SMAD9: variants seen among roughly 807,000 people sequenced by gnomAD.
SMAD9 encodes MAD homolog 9.
Under a neutral mutation model 46.1 loss-of-function variants are expected in SMAD9, and 36 were observed. The observed-to-expected ratio is 0.78, with a 90% CI of 0.60 to 1.03. The LOEUF is 1.03. SMAD9 is among the 50% of genes least tolerant of loss of function. SMAD9 has a pLI of 0.00. For missense variants in SMAD9, 572 were observed against 599.8 expected (o/e 0.95, Z 0.48); for synonymous variants, 245 against 237.1 (o/e 1.03, Z -0.31).
intron 1 of SMAD9, among the ~76,000 whole-genome samples, chr13:36,902,155 T>C (rs1768680709): frequency 6.6e-6 from 1 of 152,224 alleles, no homozygotes; most frequent in Non-Finnish European, 1.5e-5. Flanking sequence ...TCAACTTTTA[T>C]ATCTAGTGTG....
At chr13:36,918,431 G>C (rs946162382) in intron 1 of SMAD9, among the ~76,000 whole-genome samples, 1 of 152,214 alleles carries the variant, frequency 6.6e-6, no homozygotes, top group Non-Finnish European at 1.5e-5. Context: ...AGTTGGTTGT[G>C]TCAGAATACA....
chr13:36,918,458 T>A (rs183792659), intron 1 of SMAD9, among the ~76,000 whole-genome samples: 1 of 152,262 alleles, frequency 6.6e-6, no homozygotes, highest in Non-Finnish European at 1.5e-5. Flanking sequence ...GGCCGAAGGC[T>A]GTCTGGCAGA....
At chr13:36,916,644 G>A (rs769045992) in intron 1 of SMAD9, among the ~76,000 whole-genome samples, 1 of 152,122 alleles carries the variant, frequency 6.6e-6, no homozygotes. Flanking sequence ...AAAGGTAGAT[G>A]AAACAGTCCC....
intron 5 of SMAD9, among the ~76,000 whole-genome samples, chr13:36,865,333 A>G (rs544228189): frequency 1.3e-5 from 2 of 152,270 alleles, no homozygotes; most frequent in South Asian, 4.2e-4. Flanking sequence ...TGGCATGATG[A>G]CATTAGAGGA....
intron 1 of SMAD9, among the ~76,000 whole-genome samples, chr13:36,895,931 C>G (rs1216248923): frequency 3.3e-5 from 5 of 152,188 alleles, no homozygotes; most frequent in Non-Finnish European, 7.4e-5. Flanking sequence ...AAGTTATTGT[C>G]ACAGAAAGAG....
At position 36,852,728 on chromosome 13, in the gene SMAD9, G is replaced by A. The variant is rs568504314; in HGVS notation, c.1260+691C>T. Among the ~76,000 whole-genome samples, 3 of 152,266 alleles carry A rather than the reference G, an allele frequency of 2.0e-5. No homozygotes were observed. In the South Asian group the frequency reaches 6.2e-4, roughly 32 times the overall value. On this transcript the variant is annotated intron_variant, in intron 6 of 6. Coordinates refer to ENST00000379826, the MANE Select transcript of SMAD9 (RefSeq NM_001127217.3). ...CCATGTGCCTGTATGCTTTCTAAGA[G>A]TAAGGAGAGTATCTTACTGAATTCA...
intron 6 of SMAD9, chr13:36,851,513 C>T (rs151315664): frequency 3.9e-4 from 60 of 152,912 alleles, no homozygotes; most frequent in Non-Finnish European, 7.6e-4. Flanking sequence ...TGTTTATTAT[C>T]CATCTCTCCT....
Position 36,914,204 on chromosome 13 carries a change from G to A in SMAD9, c.-187+5912C>T, listed in dbSNP as rs894856110. 2.0e-5 allele frequency among the ~76,000 whole-genome samples: 3 copies of A among 152,190 alleles called. No individual in the cohort carries two copies. The East Asian group carries it at 5.8e-4, about 29-fold the overall frequency. On this transcript the variant is annotated intron_variant, in intron 1 of 6. Coordinates refer to ENST00000379826, the MANE Select transcript of SMAD9 (RefSeq NM_001127217.3). ...TAGGTGCCTCAAACTTCTCAACAGT[G>A]CTACTGCCCAAGCCTTAAAATGACT... is the stretch of plus-strand genomic sequence containing the variant.
At chr13:36,903,788 T>C (rs773703405) in intron 1 of SMAD9, among the ~76,000 whole-genome samples, 1 of 152,144 alleles carries the variant, frequency 6.6e-6, no homozygotes, top group Non-Finnish European at 1.5e-5. Flanking sequence ...AACACAATTA[T>C]CACACATCAC....
intron 5 of SMAD9, 62 bp from the exon 6 acceptor site, chr13:36,853,737 A>T: frequency 1.3e-6 from 2 of 1,580,458 alleles, no homozygotes; most frequent in Non-Finnish European, 8.7e-7. Context: ...TCTCCCACTG[A>T]TTCCTGAAAC....
chr13:36,893,776 T>C (rs2058507400), intron 1 of SMAD9, among the ~76,000 whole-genome samples: 1 of 151,740 alleles, frequency 6.6e-6, no homozygotes, highest in African/African-American at 2.4e-5. Flanking sequence ...ATCAAGACAA[T>C]AAAAACACAG....
chr13:36,875,528 C>T (rs2058337992), intron 2 of SMAD9, among the ~76,000 whole-genome samples: 1 of 152,048 alleles, frequency 6.6e-6, no homozygotes, highest in South Asian at 2.1e-4. Context: ...GATCATAAAC[C>T]ATTAAATTCC....
intron 1 of SMAD9, among the ~76,000 whole-genome samples, chr13:36,903,412 A>T (rs980216583): frequency 1.3e-5 from 2 of 152,168 alleles, no homozygotes; most frequent in African/African-American, 4.8e-5. Context: ...GTCGTCAGCC[A>T]CCACACCCGG....
At chr13:36,901,164 G>C (rs2058572610) in intron 1 of SMAD9, among the ~76,000 whole-genome samples, 1 of 152,176 alleles carries the variant, frequency 6.6e-6, no homozygotes, top group African/African-American at 2.4e-5. Context: ...TTGAGTAGCT[G>C]TTTTCAGTTC....
intron 1 of SMAD9, among the ~76,000 whole-genome samples, chr13:36,914,525 C>T (rs952349976): frequency 6.6e-6 from 1 of 151,852 alleles, no homozygotes; most frequent in African/African-American, 2.4e-5. Context: ...TCTCAAAAAA[C>T]AAAAACAAAA....
chr13:36,853,336 A>C, intron 6 of SMAD9, 83 bp downstream of exon 6: 1 of 1,365,606 alleles, frequency 7.3e-7, no homozygotes, highest in Non-Finnish European at 1.0e-6. Context: ...TTGACCGCAC[A>C]ACTGCCTGCC....
At chr13:36,852,148 T>C in intron 6 of SMAD9, 1 of 954,034 alleles carries the variant, frequency 1.0e-6, no homozygotes, top group Non-Finnish European at 1.2e-6. Flanking sequence ...AGCAGCTGTT[T>C]TTTAAAATTG....
intron 5 of SMAD9, 84 bp downstream of exon 5, chr13:36,865,453 G>T: frequency 9.0e-7 from 1 of 1,117,198 alleles, no homozygotes; most frequent in Non-Finnish European, 1.4e-6. Context: ...TGACCAACAT[G>T]TGAGGGTGGT....
intron 1 of SMAD9, among the ~76,000 whole-genome samples, chr13:36,900,949 G>A (rs1408829959): frequency 4.6e-5 from 7 of 151,768 alleles, no homozygotes; most frequent in African/African-American, 1.5e-4. Flanking sequence ...CCTCCCCATC[G>A]ACCCTGGCAA....
Sources: allele counts gnomAD v4.1 joint callset (sites outside exome capture counted in the v4.1 genomes callset), GRCh38; gene constraint gnomAD v4.1.1; transcripts MANE v1.5; gene names NCBI Gene and HGNC (gene_info 2026-07-23, HGNC 2026-07-21).